The following LRP5 variants were observed in gnomAD, a reference collection of about 807,000 sequenced individuals.
LRP5 encodes the protein low-density lipoprotein receptor-related protein 5.
LRP5 carries 62 observed loss-of-function variants against 154.1 expected under a neutral mutation model. That is an observed-to-expected ratio of 0.40 (90% CI 0.33 to 0.50). The LOEUF is 0.50. LRP5 is among the 20% of genes least tolerant of loss of function. The pLI is 0.55. For missense variants in LRP5, 1,915 were observed against 2,336.7 expected (o/e 0.82, Z 3.72); for synonymous variants, 966 against 1,011.5 (o/e 0.96, Z 0.85).
At chr11:68,398,904 T>G (rs1024915349) in intron 7 of LRP5, among the ~76,000 whole-genome samples, 1 of 152,126 alleles carries the variant, frequency 6.6e-6, no homozygotes, top group Non-Finnish European at 1.5e-5. Context: ...CCGGCTAATT[T>G]TTTTTTAATT....
chr11:68,311,853 A>AGCCCCTTCTGT (rs2098588097), upstream of LRP5, among the ~76,000 whole-genome samples: 1 of 152,232 alleles, frequency 6.6e-6, no homozygotes, highest in Non-Finnish European at 1.5e-5. Context: ...CTGGTTCCAG[A>AGCCCCTTCTGT]GCCCCTTCTG....
chr11:68,414,643 G>A (rs922755918), intron 12 of LRP5, among the ~76,000 whole-genome samples: 2 of 152,264 alleles, frequency 1.3e-5, no homozygotes, highest in African/African-American at 2.4e-5. Flanking sequence ...TCCTGTTGGC[G>A]GGCTCTTCCC....
chr11:68,366,682 G>T (rs1220306485), intron 5 of LRP5, among the ~76,000 whole-genome samples: 1 of 152,178 alleles, frequency 6.6e-6, no homozygotes, highest in Non-Finnish European at 1.5e-5. Flanking sequence ...AGACATGGCT[G>T]TTACATCAAA....
chr11:68,314,708 C>A (rs1418526439), intron 1 of LRP5, among the ~76,000 whole-genome samples: 6 of 152,234 alleles, frequency 3.9e-5, no homozygotes, highest in Non-Finnish European at 7.3e-5. Flanking sequence ...TGTCCAGGCA[C>A]CCCCTCTCCC....
intron 6 of LRP5, among the ~76,000 whole-genome samples, chr11:68,388,606 C>T (rs1423424727): frequency 2.0e-5 from 3 of 152,158 alleles, no homozygotes; most frequent in Non-Finnish European, 4.4e-5. Flanking sequence ...GGGAACAAGT[C>T]ACCTGTCCTT....
chr11:68,448,968 G>T lies in LRP5; in HGVS notation c.4746G>T (p.Gln1582His). Residue 1582 changes from glutamine (Q) to histidine (H), a missense_variant, in exon 23 of 23, where the codon CAG (glutamine) becomes CAT (histidine). By Grantham distance (24) the Gln-to-His change is conservative. This residue lies in a region of LRP5 where 1,094 missense variants were observed against 1,210.1 expected (regional missense o/e 0.90). Transcript: ENST00000294304. ...CACCCCCACCCACGCCCCACAGCCAGTACCTGTCGGCGGAGGACAGCTGCC... is the reference window on the plus strand; with the variant it reads ...CACCCCCACCCACGCCCCACAGCCATTACCTGTCGGCGGAGGACAGCTGCC... ...PYPPPPTPHSQYLSAEDSCPP... is the reference protein window; with the variant it reads ...PYPPPPTPHSHYLSAEDSCPP... 2 of 1,611,892 alleles carry T rather than the reference G, an allele frequency of 1.2e-6. No individual in the cohort carries two copies. Among genetic ancestry groups the T allele is most frequent in the Non-Finnish European group, 8.5e-7 (1 of 1,179,908 alleles).
At chr11:68,344,885 CAG>C (rs1453287819) in intron 1 of LRP5, among the ~76,000 whole-genome samples, 4 of 82,874 alleles carry the variant, frequency 4.8e-5, no homozygotes, top group African/African-American at 1.9e-4. Flanking sequence ...TTTTTGCAGA[CAG>C]AGTCTCGCTC....
chr11:68,308,994 C>T (rs1412277962), upstream of LRP5, among the ~76,000 whole-genome samples: 3 of 139,808 alleles, frequency 2.1e-5, no homozygotes, highest in Non-Finnish European at 4.5e-5. Flanking sequence ...AGTGCAGTGG[C>T]GCAATCTCGG....
At chr11:68,315,936 T>G (rs1391437485) in intron 1 of LRP5, among the ~76,000 whole-genome samples, 2 of 152,170 alleles carry the variant, frequency 1.3e-5, no homozygotes, top group Non-Finnish European at 2.9e-5. Flanking sequence ...CGAGTTGTTT[T>G]TTTTTTAAAT....
chr11:68,333,094 G>C (rs1379197082), intron 1 of LRP5, among the ~76,000 whole-genome samples: 4 of 152,194 alleles, frequency 2.6e-5, no homozygotes, highest in African/African-American at 9.6e-5. Context: ...TGCCAAAATT[G>C]CGGTCATCGT....
At chr11:68,404,681 C>G (rs1473837313) in intron 8 of LRP5, among the ~76,000 whole-genome samples, 2 of 152,106 alleles carry the variant, frequency 1.3e-5, no homozygotes, top group Non-Finnish European at 2.9e-5. Context: ...CGCGTTCATG[C>G]TGGGGCCGGG....
At chr11:68,446,560 G>A in intron 22 of LRP5, 27 bp downstream of exon 22, 1 of 1,583,060 alleles carries the variant, frequency 6.3e-7, no homozygotes, top group Non-Finnish European at 8.7e-7. Flanking sequence ...AGCCCTCCAT[G>A]GCCATTGGGT....
intron 1 of LRP5, among the ~76,000 whole-genome samples, chr11:68,334,021 G>A (rs1167323549): frequency 6.6e-6 from 1 of 152,140 alleles, no homozygotes; most frequent in African/African-American, 2.4e-5. Context: ...ATCACTTGAG[G>A]TCAGGAGTTC....
chr11:68,370,978 T>G (rs546864651), intron 5 of LRP5, among the ~76,000 whole-genome samples: 1 of 152,282 alleles, frequency 6.6e-6, no homozygotes, highest in East Asian at 1.9e-4. Context: ...CAGTTCACTT[T>G]TTTTTGTAAG....
Position 68,439,822 on chromosome 11 carries a change from G to C in LRP5, c.4394G>C (p.Gly1465Ala). ...ATGATGAGCTCCGTGAGCCTGATGG[G>C]GGGCCGGGGCGGGGTGCCCCTCTAC... ...KSMMSSVSLM[G>A]GRGGVPLYDR... The change falls in exon 21 of 23, where the codon GGG becomes GCG. Residue 1465 changes from glycine (G) to alanine (A), a missense_variant. This residue lies in a region of LRP5 where 1,094 missense variants were observed against 1,210.1 expected (regional missense o/e 0.90). Coordinates refer to ENST00000294304, the MANE Select transcript of LRP5 (RefSeq NM_002335.4). The C allele has an allele frequency of 6.2e-7, 1 of 1,611,714 alleles. No individual in the cohort carries two copies. Among genetic ancestry groups the C allele is most frequent in the Non-Finnish European group, 8.5e-7 (1 of 1,179,640 alleles).
chr11:68,322,841 G>C (rs549629916), intron 1 of LRP5, among the ~76,000 whole-genome samples: 1 of 143,944 alleles, frequency 6.9e-6, no homozygotes, highest in Admixed American at 6.8e-5. Context: ...GACCCCCATG[G>C]TCCTGCAGTA....
rs1368045951 is a variant in LRP5, at chr11:68,410,113, G to A, written c.2291G>A (p.Arg764Lys). ...VLVWRDLDNPRSLALDPTKGY... is the reference protein window; with the variant it reads ...VLVWRDLDNPKSLALDPTKGY... ...GTGTGGAGGGACTTGGACAACCCGA[G>A]GTCGCTGGCCCTGGATCCCACCAAG... The change falls in exon 10 of 23, where the codon AGG becomes AAG. Residue 764 changes from arginine to lysine, a missense_variant. By Grantham distance (26) the Arg-to-Lys change is conservative. Around this residue, in one of 3 missense-constraint regions of LRP5, gnomAD observed 773 missense variants for 1,100.9 expected, o/e 0.70. Coordinates refer to ENST00000294304, the MANE Select transcript of LRP5 (RefSeq NM_002335.4). The A allele has an allele frequency of 1.2e-6, 2 of 1,613,922 alleles. No individual in the cohort carries two copies. Among genetic ancestry groups the A allele is most frequent in the African/African-American group, 1.3e-5 (1 of 75,054 alleles).
chr11:68,442,378 G>A (rs1262885094), intron 21 of LRP5, among the ~76,000 whole-genome samples: 1 of 152,168 alleles, frequency 6.6e-6, no homozygotes, highest in African/African-American at 2.4e-5. Context: ...GGGCTCAAGC[G>A]ATTCTCCTGC....
At chr11:68,354,760 C>T (rs1370651302) in intron 2 of LRP5, among the ~76,000 whole-genome samples, 1 of 152,226 alleles carries the variant, frequency 6.6e-6, no homozygotes, top group African/African-American at 2.4e-5. Context: ...TAACCTGGAA[C>T]AGGCCAGCCT....
Sources: allele counts gnomAD v4.1 joint callset (sites outside exome capture counted in the v4.1 genomes callset), GRCh38; gene constraint gnomAD v4.1.1; regional missense constraint gnomAD v4.1.1; transcripts MANE v1.5; gene names NCBI Gene and HGNC (gene_info 2026-07-23, HGNC 2026-07-21).